ASTN2: variants seen among roughly 807,000 people sequenced by gnomAD.
ASTN2 encodes the protein astrotactin 2.
In ASTN2, 54 loss-of-function variants were observed where a neutral mutation model predicts 139.8. The observed-to-expected ratio is 0.39, with a 90% confidence interval of 0.31 to 0.48. The LOEUF is 0.48. Ranked by LOEUF, ASTN2 falls within the 20% of genes least tolerant of loss-of-function variation. The probability of loss-of-function intolerance (pLI) is 0.95; values close to 1 mark genes in which losing one functional copy is unlikely to be tolerated. For missense variants in ASTN2, 1,565 were observed against 1,725.1 expected, an observed-to-expected ratio of 0.91 and a Z score of 1.64; for synonymous variants, 756 against 719.5, an observed-to-expected ratio of 1.05 and a Z score of -0.81.
intron 19 of ASTN2, among the ~76,000 whole-genome samples, chr9:116,503,908 C>T (rs954476743): frequency 3.9e-5 from 6 of 152,118 alleles, no homozygotes; most frequent in African/African-American, 1.4e-4. Flanking sequence ...CAAGAACCCA[C>T]AGGTCTCTAA....
intron 22 of ASTN2, among the ~76,000 whole-genome samples, chr9:116,429,883 C>T (rs1245161100): frequency 2.0e-5 from 3 of 152,146 alleles, no homozygotes; most frequent in Admixed American, 1.3e-4. Flanking sequence ...CTCAAGAGGA[C>T]GCCACACCTG....
At chr9:117,134,291 TATATACACACACACAC>T (rs1196421708) in intron 4 of ASTN2, among the ~76,000 whole-genome samples, 28 of 53,628 alleles carry the variant, frequency 5.2e-4, no homozygotes, top group Non-Finnish European at 7.7e-4. Context: ...TATATATATA[TATATACACACACACAC>T]ACACACACAC....
At chr9:116,888,324 T>C (rs1440635610) in intron 10 of ASTN2, among the ~76,000 whole-genome samples, 2 of 152,216 alleles carry the variant, frequency 1.3e-5, no homozygotes, top group Admixed American at 1.3e-4. Flanking sequence ...TGTGTAGGCA[T>C]GCCAGATACA....
At chr9:116,558,595 C>T (rs1373826478) in intron 19 of ASTN2, among the ~76,000 whole-genome samples, 2 of 152,172 alleles carry the variant, frequency 1.3e-5, no homozygotes, top group African/African-American at 4.8e-5. Context: ...GAGAAGTAGA[C>T]TCAAGCAGCC....
intron 4 of ASTN2, among the ~76,000 whole-genome samples, chr9:117,132,037 C>A (rs914370353): frequency 2.0e-5 from 3 of 152,136 alleles, no homozygotes; most frequent in Non-Finnish European, 4.4e-5. Context: ...TTGAATTATT[C>A]CATTCCTGGA....
chr9:116,642,446 G>GC (rs1197230206), intron 17 of ASTN2, among the ~76,000 whole-genome samples: 16 of 152,102 alleles, frequency 1.1e-4, no homozygotes, highest in Non-Finnish European at 2.2e-4. Flanking sequence ...TATCCCAAGT[G>GC]CCCAGAACAG....
At chr9:116,975,169 A>G in intron 10 of ASTN2, 39 bp downstream of exon 10, 5 of 1,519,134 alleles carry the variant, frequency 3.3e-6, no homozygotes, top group Admixed American at 2.1e-5. Flanking sequence ...CCAAGGTTTT[A>G]AGAAGTACCT....
At position 116,692,191 on chromosome 9, in the gene ASTN2, G is replaced by T. The variant is rs1385936913; in HGVS notation, c.2806+33580C>A. On this transcript the variant is annotated intron_variant, in intron 16 of 22. Transcript: ENST00000313400. ...ATATCTAGAGAACCACCCCATGGTGGCAATTCAAGCATTAGGTGAAGATTT... is the reference window on the plus strand; with the variant it reads ...ATATCTAGAGAACCACCCCATGGTGTCAATTCAAGCATTAGGTGAAGATTT... Among the ~76,000 whole-genome samples the T allele has an allele frequency of 2.0e-5, 3 of 152,200 alleles. No homozygotes were observed. In the South Asian group the frequency reaches 6.2e-4, roughly 32 times the overall value.
At chr9:117,181,239 A>G (rs1831058047) in intron 3 of ASTN2, 2 of 563,080 alleles carry the variant, frequency 3.6e-6, no homozygotes, top group Non-Finnish European at 6.4e-6. Context: ...ACAGCAATGT[A>G]TAAGCTGAGA....
chr9:116,557,769 T>G (rs1200442183), intron 19 of ASTN2: 1 of 152,252 alleles, frequency 6.6e-6, no homozygotes, highest in Non-Finnish European at 1.5e-5. Flanking sequence ...TAATATCTTC[T>G]GTCTTTGAGC....
intron 10 of ASTN2, among the ~76,000 whole-genome samples, chr9:116,910,185 T>C (rs1834272674): frequency 6.6e-6 from 1 of 152,120 alleles, no homozygotes; most frequent in African/African-American, 2.4e-5. Flanking sequence ...AAGTTATACA[T>C]TCAAAAATTA....
chr9:117,086,885 CAT>C (rs1828577609), intron 5 of ASTN2, among the ~76,000 whole-genome samples: 2 of 152,284 alleles, frequency 1.3e-5, no homozygotes, highest in South Asian at 2.1e-4. Context: ...TGATCTGCCC[CAT>C]ATCTTGGACA....
intron 5 of ASTN2, among the ~76,000 whole-genome samples, chr9:117,055,965 G>T (rs1839049952): frequency 6.6e-6 from 1 of 152,172 alleles, no homozygotes; most frequent in South Asian, 2.1e-4. Context: ...TCTTGCTCTG[G>T]TGAAGCCAAA....
intron 16 of ASTN2, among the ~76,000 whole-genome samples, chr9:116,704,657 T>C (rs934839775): frequency 6.6e-6 from 1 of 152,204 alleles, no homozygotes; most frequent in Non-Finnish European, 1.5e-5. Flanking sequence ...CCTGTATTGG[T>C]GATGCAATAG....
chr9:116,876,504 C>T (rs954634321), intron 10 of ASTN2, among the ~76,000 whole-genome samples: 4 of 152,166 alleles, frequency 2.6e-5, no homozygotes, highest in Admixed American at 2.6e-4. Flanking sequence ...TCAAAAAGTT[C>T]TGTGGGTAAA....
intron 19 of ASTN2, among the ~76,000 whole-genome samples, chr9:116,493,384 G>A (rs912306043): frequency 5.3e-5 from 8 of 152,114 alleles, no homozygotes; most frequent in African/African-American, 1.4e-4. Flanking sequence ...GTTGGGAGTC[G>A]CTGTACAGGA....
At chr9:116,911,633 G>A (rs934927409) in intron 10 of ASTN2, among the ~76,000 whole-genome samples, 4 of 152,176 alleles carry the variant, frequency 2.6e-5, no homozygotes, top group East Asian at 3.9e-4. Flanking sequence ...GTTTATGCGC[G>A]GTGGCTCACG....
At chr9:117,344,823 T>C (rs528232496) in intron 1 of ASTN2, among the ~76,000 whole-genome samples, 2 of 152,274 alleles carry the variant, frequency 1.3e-5, no homozygotes, top group East Asian at 3.9e-4. Context: ...AGAGGCATTG[T>C]GTGCAATACT....
chr9:116,545,198 G>C (rs1166118700), intron 19 of ASTN2, among the ~76,000 whole-genome samples: 1 of 152,194 alleles, frequency 6.6e-6, no homozygotes, highest in Non-Finnish European at 1.5e-5. Context: ...GGGGCCATTG[G>C]CTTGCCTCAA....
Sources: gnomAD v4.1 joint callset for allele counts (sites outside exome capture counted in the v4.1 genomes callset) on GRCh38, gnomAD v4.1.1 for gene constraint, MANE v1.5 for transcripts, NCBI Gene and HGNC (gene_info 2026-07-23, HGNC 2026-07-21) for gene names.